COL26A1: variants seen among roughly 807,000 people sequenced by gnomAD.
The protein encoded by COL26A1 is collagen alpha-1(XXVI) chain.
Under a neutral mutation model 59.3 loss-of-function variants are expected in COL26A1, and 41 were observed. The ratio of observed to expected loss-of-function variants is 0.69; its 90% CI spans 0.54 to 0.90. COL26A1 has a LOEUF of 0.90. Ranked by LOEUF, COL26A1 falls within the 40% of genes least tolerant of loss-of-function variation. The pLI is 0.00. For missense variants in COL26A1, 612 were observed against 602.3 expected, an observed-to-expected ratio of 1.02 and a Z score of -0.17; for synonymous variants, 266 against 256.0, an observed-to-expected ratio of 1.04 and a Z score of -0.37.
chr7:101,441,778 C>G (rs928573027), intron 2 of COL26A1, among the ~76,000 whole-genome samples: 7 of 152,078 alleles, frequency 4.6e-5, no homozygotes, highest in Non-Finnish European at 8.8e-5. Context: ...CTCAGCAGCC[C>G]GGACTCTCTC....
intron 2 of COL26A1, among the ~76,000 whole-genome samples, chr7:101,444,097 C>T (rs1793126283): frequency 6.6e-6 from 1 of 151,748 alleles, no homozygotes. Flanking sequence ...AGGCTGGTCT[C>T]GAACTTCTGA....
intron 1 of COL26A1, among the ~76,000 whole-genome samples, chr7:101,385,227 C>CTATAT (rs1375842083): frequency 6.7e-4 from 93 of 139,392 alleles, no homozygotes; most frequent in African/African-American, 2.1e-3. Context: ...CACACACACA[C>CTATAT]ACACTATATA....
intron 1 of COL26A1, among the ~76,000 whole-genome samples, chr7:101,386,278 T>C (rs1791575281): frequency 1.3e-5 from 2 of 150,860 alleles, no homozygotes; most frequent in Non-Finnish European, 3.0e-5. Context: ...TTTTTTTTTT[T>C]TTAATTTTTT....
intron 5 of COL26A1, among the ~76,000 whole-genome samples, chr7:101,543,315 G>A (rs1021512794): frequency 4.6e-5 from 7 of 151,870 alleles, no homozygotes; most frequent in Admixed American, 3.3e-4. Flanking sequence ...GGCCACAGGC[G>A]TGCACCACTA....
At chr7:101,377,300 G>A (rs1253879350) in intron 1 of COL26A1, among the ~76,000 whole-genome samples, 1 of 152,114 alleles carries the variant, frequency 6.6e-6, no homozygotes, top group Non-Finnish European at 1.5e-5. Context: ...GAGTCACTGT[G>A]CCCGGCTGAG....
chr7:101,548,916 C>T (rs1477067913), intron 8 of COL26A1, among the ~76,000 whole-genome samples: 9 of 152,072 alleles, frequency 5.9e-5, no homozygotes, highest in Admixed American at 2.0e-4. Flanking sequence ...TGCCGGGTCT[C>T]GGGATTGGGG....
intron 3 of COL26A1, among the ~76,000 whole-genome samples, chr7:101,483,197 A>G (rs1330481653): frequency 1.3e-5 from 2 of 148,328 alleles, no homozygotes; most frequent in Non-Finnish European, 3.0e-5. Flanking sequence ...GAAAGAAATT[A>G]GCTTTTTTTT....
At chr7:101,471,468 C>A (rs1185527390) in intron 3 of COL26A1, among the ~76,000 whole-genome samples, 3 of 151,664 alleles carry the variant, frequency 2.0e-5, no homozygotes, top group African/African-American at 7.3e-5. Context: ...ACAGAATAGG[C>A]TATCCTCAGA....
intron 1 of COL26A1, among the ~76,000 whole-genome samples, chr7:101,388,198 C>T (rs571033684): frequency 2.0e-5 from 3 of 152,024 alleles, no homozygotes; most frequent in African/African-American, 4.8e-5. Context: ...CTGGGCCGGG[C>T]GCCGTGGCTC....
chr7:101,516,274 G>GT (rs1795026573), intron 3 of COL26A1, among the ~76,000 whole-genome samples: 2 of 151,790 alleles, frequency 1.3e-5, no homozygotes, highest in African/African-American at 2.4e-5. Context: ...GTTTTGTTTT[G>GT]TTTTTTTAGA....
At chr7:101,537,385 A>G (rs1795502909) in intron 4 of COL26A1, among the ~76,000 whole-genome samples, 1 of 152,220 alleles carries the variant, frequency 6.6e-6, no homozygotes, top group Non-Finnish European at 1.5e-5. Context: ...TGCAGAGGGC[A>G]GTGTCCCGGC....
intron 1 of COL26A1, among the ~76,000 whole-genome samples, chr7:101,418,976 T>G (rs1163206909): frequency 6.6e-6 from 1 of 151,604 alleles, no homozygotes; most frequent in Non-Finnish European, 1.5e-5. Context: ...TCCTTCAGCC[T>G]TCTGGCTCTT....
chr7:101,500,865 G>C (rs6957322), intron 3 of COL26A1, among the ~76,000 whole-genome samples: 133,483 of 151,978 alleles, frequency 0.88, 59,005 homozygotes, highest in East Asian at 1. Context: ...GAAAAGTGCC[G>C]TGATTGTCTA....
chr7:101,545,888 A>G (rs1166698865), intron 7 of COL26A1, among the ~76,000 whole-genome samples: 2 of 152,054 alleles, frequency 1.3e-5, no homozygotes, highest in Non-Finnish European at 2.9e-5. Flanking sequence ...CCACCCCACC[A>G]AGGTTATCCC....
chr7:101,489,775 T>G lies in COL26A1; in HGVS notation c.385+41988T>G, dbSNP rs370650839. On this transcript the variant is annotated intron_variant, in intron 3 of 12. Transcript: ENST00000313669. ...TTGTCTCTCTTTCTTTCTTTCTTTC[T>G]TTCTTTCTTTCTTTCTTTCTTTCTT... 6.8e-3 allele frequency among the ~76,000 whole-genome samples: 18 copies of G among 2,634 alleles called. 1 individual carries two copies. The highest frequency in any genetic ancestry group is 0.011 in the Non-Finnish European group (12 of 1,094). 1.7% of individuals were successfully genotyped at this position (2,634 alleles called of 152,430 possible). A position where few individuals can be genotyped will look rare whatever the true frequency, so the allele number is the denominator to read the frequency against.
chr7:101,539,294 ATGTGTG>A (rs769498284), intron 4 of COL26A1, among the ~76,000 whole-genome samples: 24 of 135,904 alleles, frequency 1.8e-4, no homozygotes, highest in South Asian at 1.2e-3. Context: ...GTGTGTGTGT[ATGTGTG>A]TGTGTGTGTG....
intron 1 of COL26A1, among the ~76,000 whole-genome samples, chr7:101,402,010 T>C (rs1584375914): frequency 6.6e-6 from 1 of 152,134 alleles, no homozygotes; most frequent in Non-Finnish European, 1.5e-5. Flanking sequence ...AAGGCAGACT[T>C]CATTACCAGC....
chr7:101,491,794 T>C (rs774578431), intron 3 of COL26A1, among the ~76,000 whole-genome samples: 6 of 152,224 alleles, frequency 3.9e-5, no homozygotes, highest in Non-Finnish European at 5.9e-5. Flanking sequence ...GCAAGGTTTT[T>C]ATGACCTGTA....
At chr7:101,506,089 G>A (rs61572637) in intron 3 of COL26A1, among the ~76,000 whole-genome samples, 9,563 of 152,218 alleles carry the variant, frequency 0.063, 625 homozygotes, top group African/African-American at 0.16. Context: ...CCCTCTGCCC[G>A]AATGGGGTCA....
Sources: allele counts gnomAD v4.1 joint callset (sites outside exome capture counted in the v4.1 genomes callset), GRCh38; gene constraint gnomAD v4.1.1; transcripts MANE v1.5; gene names NCBI Gene and HGNC (gene_info 2026-07-23, HGNC 2026-07-21).